POLA1: variants seen among roughly 807,000 people sequenced by gnomAD.
The protein encoded by POLA1 is DNA polymerase alpha 1, catalytic subunit.
Under a neutral mutation model 124.0 loss-of-function variants are expected in POLA1, and 15 were observed. The ratio of observed to expected loss-of-function variants is 0.12; its 90% CI spans 0.08 to 0.19. The LOEUF (loss-of-function observed/expected upper bound fraction) is 0.19, where lower values mean the gene tolerates loss of function less well. POLA1 is among the 10% of genes least tolerant of loss of function. The pLI is 1.00. For missense variants in POLA1, 886 were observed against 1,103.4 expected (o/e 0.80, Z 2.79); for synonymous variants, 408 against 389.4 (o/e 1.05, Z -0.56).
intron 35 of POLA1, among the ~76,000 whole-genome samples, chrX:24,891,448 G>A (rs1038370798): frequency 1.8e-5 from 2 of 111,759 alleles, no homozygotes; most frequent in Non-Finnish European, 3.8e-5. Context: ...CTAATAATGG[G>A]CGAGGAATTT....
intron 35 of POLA1, among the ~76,000 whole-genome samples, chrX:24,918,959 G>C (rs1317029792): frequency 8.9e-6 from 1 of 111,783 alleles, no homozygotes. Context: ...ATCTACTGCC[G>C]TGATCAAAAC....
intron 34 of POLA1, among the ~76,000 whole-genome samples, chrX:24,862,844 C>G (rs922097839): frequency 8.9e-6 from 1 of 112,196 alleles, no homozygotes; most frequent in Non-Finnish European, 1.9e-5. Flanking sequence ...TGAGTCAAAT[C>G]TATGCATGGA....
intron 35 of POLA1, among the ~76,000 whole-genome samples, chrX:24,911,115 C>T (rs2047443092): frequency 8.9e-6 from 1 of 112,138 alleles, no homozygotes; most frequent in African/African-American, 3.2e-5. Flanking sequence ...TTAAACAGCA[C>T]ACTTCTCAAT....
chrX:24,910,606 T>G (rs1164235782), intron 35 of POLA1, among the ~76,000 whole-genome samples: 1 of 111,240 alleles, frequency 9.0e-6, no homozygotes, highest in Non-Finnish European at 1.9e-5. Context: ...AGTGGATATA[T>G]TAGTAACAGA....
At position 24,724,988 on chromosome X, in the gene POLA1, GA is replaced by G. The variant is rs1472005100; in HGVS notation, c.1317+539del. ...TACTGGCTATTAATAATGATCGCAGGAAGGATTGAGTTGCTGAAGATAAGGC... is the reference window on the plus strand; with the variant it reads ...TACTGGCTATTAATAATGATCGCAGGAGGATTGAGTTGCTGAAGATAAGGC... On this transcript the variant is annotated intron_variant, in intron 12 of 36. Coordinates refer to ENST00000379068, the MANE Select transcript of POLA1 (RefSeq NM_001330360.2). Among the ~76,000 whole-genome samples, 13 of 111,088 alleles carry G rather than the reference GA, an allele frequency of 1.2e-4. No individual in the cohort carries two copies. In the East Asian group the frequency reaches 1.7e-3, roughly 14 times the overall value.
At chrX:24,769,846 T>TA (rs2044990017) in intron 26 of POLA1, among the ~76,000 whole-genome samples, 1 of 112,150 alleles carries the variant, frequency 8.9e-6, no homozygotes, top group Non-Finnish European at 1.9e-5. Context: ...GTACAGTACT[T>TA]ACTCTATTTC....
intron 36 of POLA1, among the ~76,000 whole-genome samples, chrX:24,939,912 C>T (rs187878970): frequency 8.9e-6 from 1 of 112,034 alleles, no homozygotes; most frequent in East Asian, 2.8e-4. Context: ...ATTTAGGTTA[C>T]ACAACAGCAA....
At chrX:24,830,746 C>T (rs993983444) in intron 32 of POLA1, among the ~76,000 whole-genome samples, 1 of 111,990 alleles carries the variant, frequency 8.9e-6, no homozygotes, top group African/African-American at 3.2e-5. Context: ...AAATAGTCTT[C>T]CATACCTAGC....
intron 36 of POLA1, among the ~76,000 whole-genome samples, chrX:24,977,248 G>A (rs549435519): frequency 8.9e-6 from 1 of 112,081 alleles, no homozygotes; most frequent in Admixed American, 9.5e-5. Context: ...TGAAGCTTTT[G>A]AGACCTTTCT....
chrX:24,702,113 G>T (rs1277632289), intron 2 of POLA1, among the ~76,000 whole-genome samples: 3 of 104,066 alleles, frequency 2.9e-5, no homozygotes, highest in African/African-American at 7.1e-5. Context: ...CCAGGCTGGA[G>T]TGCAGTGCAT....
intron 26 of POLA1, among the ~76,000 whole-genome samples, chrX:24,793,063 G>A (rs1246947756): frequency 9.1e-6 from 1 of 110,092 alleles, no homozygotes; most frequent in African/African-American, 3.3e-5. Flanking sequence ...GATCACCTGA[G>A]ATCAGGAGTT....
At chrX:24,801,732 T>C (rs2045707357) in intron 26 of POLA1, among the ~76,000 whole-genome samples, 1 of 111,607 alleles carries the variant, frequency 9.0e-6, no homozygotes, top group Admixed American at 9.5e-5. Flanking sequence ...TTAAATTTAA[T>C]GCTCACAGTA....
intron 4 of POLA1, among the ~76,000 whole-genome samples, chrX:24,711,302 A>G (rs987522827): frequency 8.9e-6 from 1 of 112,673 alleles, no homozygotes; most frequent in African/African-American, 3.2e-5. Context: ...TTCTTAAACA[A>G]AAGATAATGT....
At chrX:24,830,355 G>C (rs749771808) in intron 32 of POLA1, among the ~76,000 whole-genome samples, 9 of 111,376 alleles carry the variant, frequency 8.1e-5, no homozygotes, top group Non-Finnish European at 1.7e-4. Context: ...TTCCGTATGG[G>C]GAGACCATTT....
At chrX:24,852,788 C>T (rs1043523869) in intron 34 of POLA1, among the ~76,000 whole-genome samples, 1 of 111,556 alleles carries the variant, frequency 9.0e-6, no homozygotes, top group Non-Finnish European at 1.9e-5. Flanking sequence ...GATCCTTGGC[C>T]TCATTCAGAC....
intron 36 of POLA1, among the ~76,000 whole-genome samples, chrX:24,967,863 C>T (rs968407578): frequency 2.7e-5 from 3 of 111,252 alleles, no homozygotes; most frequent in South Asian, 3.9e-4. Context: ...CAAGCACCAC[C>T]CCAGGTCACA....
At chrX:24,881,919 G>T (rs2047008097) in intron 34 of POLA1, among the ~76,000 whole-genome samples, 1 of 111,690 alleles carries the variant, frequency 9.0e-6, no homozygotes, top group Admixed American at 9.5e-5. Flanking sequence ...AGAATGATGA[G>T]AAAGGGCAGG....
chrX:24,709,532 A>G (rs1451349872), intron 4 of POLA1, among the ~76,000 whole-genome samples: 3 of 107,534 alleles, frequency 2.8e-5, no homozygotes, highest in Admixed American at 9.6e-5. Context: ...TGCCGGGCGG[A>G]GACGCTCCTC....
intron 35 of POLA1, among the ~76,000 whole-genome samples, chrX:24,901,442 A>C (rs139058247): frequency 1.8e-4 from 20 of 111,446 alleles, no homozygotes; most frequent in African/African-American, 6.2e-4. Context: ...AAAGGGAACG[A>C]TGGGGAAAGC....
Sources: gnomAD v4.1 joint callset for allele counts (sites outside exome capture counted in the v4.1 genomes callset) on GRCh38, gnomAD v4.1.1 for gene constraint, MANE v1.5 for transcripts, NCBI Gene and HGNC (gene_info 2026-07-23, HGNC 2026-07-21) for gene names.